Variants in PADI4 observed in about 807,000 individuals in gnomAD.
PADI4 encodes the protein protein-arginine deiminase type-4.
In PADI4, 62 loss-of-function variants were observed where a neutral mutation model predicts 75.0. The observed-to-expected ratio is 0.83, with a 90% CI of 0.67 to 1.02. The LOEUF (loss-of-function observed/expected upper bound fraction) is 1.02. Among genes scored for constraint, PADI4 ranks in the 50% least tolerant of loss-of-function variants. The probability of loss-of-function intolerance (pLI) is 0.00; values close to 1 mark genes in which losing one functional copy is unlikely to be tolerated. For synonymous variants in PADI4, 361 were observed against 348.1 expected, an observed-to-expected ratio of 1.04 and a Z score of -0.41; for missense variants, 845 against 850.5, an observed-to-expected ratio of 0.99 and a Z score of 0.08.
chr1:17,338,281 T>C, intron 5 of PADI4, 126 bp downstream of exon 5: 2 of 656,022 alleles, frequency 3.0e-6, no homozygotes, highest in Non-Finnish European at 5.6e-6. Context: ...GGCAAATCTG[T>C]TTTATAGGTG....
intron 13 of PADI4, among the ~76,000 whole-genome samples, chr1:17,358,076 C>T (rs1046205834): frequency 1.3e-5 from 2 of 151,542 alleles, no homozygotes; most frequent in Non-Finnish European, 2.9e-5. Context: ...GATGAAACCC[C>T]GACTTTACTA....
intron 1 of PADI4, among the ~76,000 whole-genome samples, chr1:17,308,948 G>A (rs963847544): frequency 4.6e-5 from 7 of 152,200 alleles, no homozygotes; most frequent in Admixed American, 1.3e-4. Context: ...TGAGTACTTA[G>A]CACAGTGGTG....
chr1:17,337,905 C>T lies in PADI4; in HGVS notation c.409-133C>T, dbSNP rs577041378. The T allele has an allele frequency of 6.4e-5, 23 of 357,352 alleles. No homozygotes were observed. In the East Asian group the frequency reaches 1.1e-3, roughly 17 times the overall value. The allele number at this position is 357,352 out of a possible 1,614,324, so 22.1% of individuals were successfully genotyped here. On this transcript the variant is annotated intron_variant, in intron 4 of 15. Transcript: ENST00000375448. The stretch of plus-strand genomic sequence containing the variant: ...ACTCCAGCCTGGCAGCAGAGGGAGA[C>T]TCCGTCTCAAAAAAATAATAAATAA...
intron 15 of PADI4, among the ~76,000 whole-genome samples, chr1:17,362,026 C>G (rs2074854703): frequency 6.6e-6 from 1 of 152,006 alleles, no homozygotes; most frequent in Admixed American, 6.6e-5. Flanking sequence ...AAAGAGTTTA[C>G]CAGAAGGTGA....
chr1:17,358,980 T>C, intron 14 of PADI4, 72 bp downstream of exon 14: 1 of 1,032,696 alleles, frequency 9.7e-7, no homozygotes, highest in South Asian at 1.4e-5. Context: ...TCCCAGTGAT[T>C]AGAGGCACAC....
chr1:17,316,132 G>T (rs375713754), intron 1 of PADI4, among the ~76,000 whole-genome samples: 1 of 151,996 alleles, frequency 6.6e-6, no homozygotes, highest in Non-Finnish European at 1.5e-5. Context: ...AGTGGCTCAC[G>T]CCTATAATCC....
rs1216389722 is a variant in PADI4 at position 17,346,440 on chromosome 1, C to G, written c.1047+301C>G. On this transcript the variant is annotated intron_variant, in intron 9 of 15. Transcript: ENST00000375448. The surrounding 1 kb of genome is among the most constrained non-coding windows in gnomAD (Gnocchi z 4.3). ...TCAGGAGATTGGTGCTCAACCAGCC[C>G]CTCAAGTGGTCCTCCCTCCAGGCTG... is the stretch of plus-strand genomic sequence containing the variant. Among the ~76,000 whole-genome samples the G allele has an allele frequency of 6.6e-6, 1 of 152,288 alleles. No homozygotes were observed. The highest frequency in any genetic ancestry group is 1.9e-4 in the East Asian group (1 of 5,168).
chr1:17,346,150 T>C lies in PADI4; in HGVS notation c.1047+11T>C, dbSNP rs563262136. On this transcript the variant is annotated intron_variant, in intron 9 of 15. Coordinates refer to ENST00000375448, the MANE Select transcript of PADI4 (RefSeq NM_012387.3). This position sits in a 1 kb window ranked among gnomAD's most constrained non-coding sequence, Gnocchi z 4.3. ...GACCAGTGGATGCAGGTATGTGCCC[T>C]GCGGGGCAGGCAGGGTGACTGTCCC... is the stretch of plus-strand genomic sequence containing the variant. 1.2e-4 allele frequency: 183 copies of C among 1,560,568 alleles called. No homozygotes were observed. Among genetic ancestry groups the C allele is most frequent in the South Asian group, 1.2e-3 (105 of 90,018 alleles).
intron 1 of PADI4, among the ~76,000 whole-genome samples, chr1:17,310,823 G>A (rs927458660): frequency 9.2e-5 from 14 of 152,188 alleles, no homozygotes; most frequent in South Asian, 4.2e-4. Flanking sequence ...ATTAGACGGG[G>A]CGCAATGGCT....
chr1:17,313,634 G>A (rs1427141527), intron 1 of PADI4, among the ~76,000 whole-genome samples: 1 of 152,066 alleles, frequency 6.6e-6, no homozygotes, highest in Non-Finnish European at 1.5e-5. Context: ...TTGGGGTCCT[G>A]AGATTTATTT....
In PADI4 at chr1:17,356,576, C is replaced by T. The variant is rs1487315955; in HGVS notation, c.1558+117C>T. On this transcript the variant is annotated intron_variant, in intron 13 of 15. Coordinates refer to ENST00000375448, the MANE Select transcript of PADI4 (RefSeq NM_012387.3). The surrounding 1 kb of genome is among the most constrained non-coding windows in gnomAD (Gnocchi z 4.1). ...TAGCATCTGAGCACCTACTGTGCGC[C>T]AGGCACTGTGCCAAGTGCTAGGGAG... The T allele has an allele frequency of 1.5e-6, 1 of 656,768 alleles. No homozygotes were observed. Among genetic ancestry groups the T allele is most frequent in the Non-Finnish European group, 2.7e-6 (1 of 365,382 alleles). The allele number at this position is 656,768 out of a possible 1,614,324, so 40.7% of individuals were successfully genotyped here. A position where few individuals can be genotyped will look rare whatever the true frequency, so the allele number is the denominator to read the frequency against.
intron 10 of PADI4, among the ~76,000 whole-genome samples, chr1:17,352,853 G>A (rs2074689816): frequency 1.3e-5 from 2 of 152,212 alleles, no homozygotes; most frequent in African/African-American, 4.8e-5. Context: ...GCCCAGAGAT[G>A]CGAACATGAG....
At chr1:17,334,224 G>A (rs529149140) in intron 3 of PADI4, 335 of 562,582 alleles carry the variant, frequency 6.0e-4, no homozygotes, top group African/African-American at 5.1e-3. Context: ...GTGGTGGTGC[G>A]GGGAATTTTA....
chr1:17,342,209 AG>A, intron 7 of PADI4, 88 bp downstream of exon 7: 1 of 1,459,132 alleles, frequency 6.9e-7, no homozygotes, highest in East Asian at 2.3e-5. Context: ...CCAGCTGGGC[AG>A]GGGGACTCCA....
chr1:17,349,149 A>G (rs562466903), intron 10 of PADI4, among the ~76,000 whole-genome samples: 1 of 152,314 alleles, frequency 6.6e-6, no homozygotes, highest in East Asian at 1.9e-4. Context: ...ATCCTGTTTC[A>G]GCAGCGTTGG....
intron 1 of PADI4, among the ~76,000 whole-genome samples, chr1:17,312,785 C>A (rs1441373326): frequency 6.6e-6 from 1 of 151,042 alleles, no homozygotes; most frequent in Non-Finnish European, 1.5e-5. Flanking sequence ...TTCAACAGAA[C>A]TGGTTCACGG....
At position 17,356,595 on chromosome 1, in the gene PADI4, T is replaced by A. The variant is rs900480147; in HGVS notation, c.1558+136T>A. 2 of 619,170 alleles carry A rather than the reference T, an allele frequency of 3.2e-6. No homozygotes were observed. Among genetic ancestry groups the A allele is most frequent in the African/African-American group, 3.7e-5 (2 of 54,060 alleles). 38.4% of individuals were successfully genotyped at this position (619,170 alleles called of 1,614,324 possible). ...GTGCGCCAGGCACTGTGCCAAGTGC[T>A]AGGGAGACTGCATGAACAGGGCAGA... On this transcript the variant is annotated intron_variant, in intron 13 of 15. Coordinates refer to ENST00000375448, the MANE Select transcript of PADI4 (RefSeq NM_012387.3). This position sits in a 1 kb window ranked among gnomAD's most constrained non-coding sequence, Gnocchi z 4.1.
chr1:17,347,977 A>G lies in PADI4; in HGVS notation c.1084A>G (p.Lys362Glu). Residue 362 changes from lysine (K) to glutamate (E), a missense_variant, in exon 10 of 16, where the codon AAA (lysine) becomes GAA (glutamate). Coordinates refer to ENST00000375448, the MANE Select transcript of PADI4 (RefSeq NM_012387.3). ...GATCGGCTACATCCAAGCCCCACAC[A>G]AAACGCTGCCCGTGGTCTTCGACTC... ...MEIGYIQAPH[K>E]TLPVVFDSPR... is the part of the protein sequence containing the mutation. The G allele has an allele frequency of 6.2e-7, 1 of 1,605,084 alleles. No individual in the cohort carries two copies. Among genetic ancestry groups the G allele is most frequent in the Non-Finnish European group, 8.5e-7 (1 of 1,174,504 alleles).
intron 1 of PADI4, among the ~76,000 whole-genome samples, chr1:17,322,540 A>G (rs1266512119): frequency 1.3e-5 from 2 of 152,100 alleles, no homozygotes; most frequent in African/African-American, 4.8e-5. Context: ...GGAGAAATTC[A>G]ACAGAACTGT....
Sources: allele counts gnomAD v4.1 joint callset (sites outside exome capture counted in the v4.1 genomes callset), GRCh38; gene constraint gnomAD v4.1.1; non-coding constraint Gnocchi (gnomAD v3.1); transcripts MANE v1.5; gene names NCBI Gene and HGNC (gene_info 2026-07-23, HGNC 2026-07-21).